The following DNAH6 variants were observed in gnomAD, a reference collection of about 807,000 sequenced individuals.
DNAH6 encodes the protein dynein axonemal heavy chain 6.
DNAH6 carries 340 observed loss-of-function variants against 491.4 expected under a neutral mutation model. The ratio of observed to expected loss-of-function variants is 0.69; its 90% CI spans 0.63 to 0.76. DNAH6 has a LOEUF of 0.76. Among genes scored for constraint, DNAH6 ranks in the 30% least tolerant of loss-of-function variants. The pLI, the probability that DNAH6 is intolerant of heterozygous loss-of-function variation, is 0.00. For missense variants in DNAH6, 4,443 were observed against 4,972.2 expected (o/e 0.89, Z 3.20); for synonymous variants, 1,603 against 1,686.1 (o/e 0.95, Z 1.21).
At chr2:84,620,219 T>C (rs1224470802) in intron 24 of DNAH6, among the ~76,000 whole-genome samples, 1 of 152,188 alleles carries the variant, frequency 6.6e-6, no homozygotes, top group African/African-American at 2.4e-5. Flanking sequence ...GGTTCTACTA[T>C]CAGGCCACTT....
intron 49 of DNAH6, 88 bp downstream of exon 49, chr2:84,701,427 T>C: frequency 2.2e-6 from 3 of 1,362,556 alleles, no homozygotes; most frequent in Admixed American, 2.3e-5. Flanking sequence ...CTGTCTTACC[T>C]GTCAGGGCCC....
chr2:84,721,997 C>T (rs1698209151), intron 59 of DNAH6, among the ~76,000 whole-genome samples: 1 of 152,166 alleles, frequency 6.6e-6, no homozygotes, highest in Non-Finnish European at 1.5e-5. Flanking sequence ...GGCCCATTGG[C>T]CAGAGGGCTC....
intron 40 of DNAH6, among the ~76,000 whole-genome samples, chr2:84,674,586 T>C (rs1693052680): frequency 6.6e-6 from 1 of 152,208 alleles, no homozygotes; most frequent in Admixed American, 6.5e-5. Context: ...GGATGCAAGA[T>C]GAACGCATAT....
At chr2:84,806,635 A>T (rs1438983894) in intron 71 of DNAH6, among the ~76,000 whole-genome samples, 1 of 140,624 alleles carries the variant, frequency 7.1e-6, no homozygotes, top group Non-Finnish European at 1.6e-5. Context: ...AAAAAAAAAA[A>T]AAAAAAAGGT....
chr2:84,782,384 A>G (rs1676778890), intron 65 of DNAH6, among the ~76,000 whole-genome samples: 1 of 152,208 alleles, frequency 6.6e-6, no homozygotes. Flanking sequence ...CCTTTCTCTG[A>G]GGCCTTTATT....
Position 84,715,635 on chromosome 2 carries a change from A to T in DNAH6, c.9611+8A>T, listed in dbSNP as rs771653965. Reference sequence around the variant, plus strand: ...GGAGGATCAGTTGTTAAGGTAAAAAAACAGGGAGTTGAGGGGAGGGAAGGG... The same window carrying T: ...GGAGGATCAGTTGTTAAGGTAAAAATACAGGGAGTTGAGGGGAGGGAAGGG... On this transcript the variant is annotated splice_region_variant and intron_variant, in intron 58 of 76. Transcript: ENST00000389394. The T allele has an allele frequency of 5.2e-6, 8 of 1,551,332 alleles. No individual in the cohort carries two copies. In the Middle Eastern group the frequency reaches 8.3e-4, roughly 162 times the overall value.
chr2:84,713,324 G>A (rs2104885619), intron 57 of DNAH6, 65 bp downstream of exon 57: 3 of 1,488,250 alleles, frequency 2.0e-6, no homozygotes, highest in East Asian at 2.5e-5. Context: ...AATCTCTGAA[G>A]TTTGATGGGC....
At chr2:84,573,865 A>G (rs1035039101) in intron 12 of DNAH6, among the ~76,000 whole-genome samples, 1 of 152,222 alleles carries the variant, frequency 6.6e-6, no homozygotes, top group Non-Finnish European at 1.5e-5. Flanking sequence ...TGCTAAGAGT[A>G]TATAGCCTGC....
chr2:84,613,918 A>G (rs568790191), intron 22 of DNAH6, among the ~76,000 whole-genome samples: 1 of 152,230 alleles, frequency 6.6e-6, no homozygotes, highest in African/African-American at 2.4e-5. Context: ...TTAAAATCTT[A>G]ACAGTATATT....
chr2:84,773,148 T>G (rs1223732496), intron 64 of DNAH6, among the ~76,000 whole-genome samples: 1 of 152,096 alleles, frequency 6.6e-6, no homozygotes, highest in Non-Finnish European at 1.5e-5. Flanking sequence ...TGCTGAAGTT[T>G]GGATACAAAT....
At chr2:84,732,105 T>C (rs1699169279) in intron 61 of DNAH6, among the ~76,000 whole-genome samples, 1 of 152,082 alleles carries the variant, frequency 6.6e-6, no homozygotes, top group Admixed American at 6.6e-5. Flanking sequence ...GTGGGGAGCC[T>C]CCACTAAAAT....
chr2:84,706,242 T>C (rs190121975), intron 52 of DNAH6, among the ~76,000 whole-genome samples: 16 of 152,320 alleles, frequency 1.1e-4, no homozygotes, highest in African/African-American at 3.8e-4. Context: ...AGAATAAATA[T>C]TTTATGCATT....
chr2:84,659,211 A>G, intron 37 of DNAH6, 42 bp downstream of exon 37: 1 of 1,108,364 alleles, frequency 9.0e-7, no homozygotes, highest in Non-Finnish European at 1.2e-6. Context: ...ATAATTCTGA[A>G]TTATTTAAAT....
At position 84,785,652 on chromosome 2, in the gene DNAH6, C is replaced by T. The variant is rs551443030; in HGVS notation, c.10996C>T (p.Arg3666Ter). Reference sequence around the variant, plus strand: ...AAAAGGCTTACGTGCAAATATCAGACGAGCATTTACTGAAATGACACCTTC... The same window carrying T: ...AAAAGGCTTACGTGCAAATATCAGATGAGCATTTACTGAAATGACACCTTC... The part of the protein sequence containing the change: ...PPKGLRANIR[R>*]AFTEMTPSFF... The change falls in exon 67 of 77, where the codon CGA (arginine) becomes TGA (stop). Residue 3666 changes from arginine (R) to a stop codon, truncating the protein, a stop_gained. Coordinates refer to ENST00000389394, the MANE Select transcript of DNAH6 (RefSeq NM_001370.2). LOFTEE classifies it high-confidence loss of function. 23 of 1,548,108 alleles carry T rather than the reference C, an allele frequency of 1.5e-5. No individual in the cohort carries two copies. Among genetic ancestry groups the T allele is most frequent in the Middle Eastern group, 1.7e-4 (1 of 5,970 alleles).
At chr2:84,586,068 G>T (rs1482269444) in intron 15 of DNAH6, among the ~76,000 whole-genome samples, 4 of 152,232 alleles carry the variant, frequency 2.6e-5, no homozygotes, top group Non-Finnish European at 5.9e-5. Flanking sequence ...TCAAAGAAGT[G>T]CCTGCTCCCA....
intron 18 of DNAH6, among the ~76,000 whole-genome samples, chr2:84,601,469 C>G (rs1006441760): frequency 6.6e-6 from 1 of 151,998 alleles, no homozygotes; most frequent in Non-Finnish European, 1.5e-5. Flanking sequence ...TTAATTTTCT[C>G]TCTTATCTCT....
chr2:84,636,766 G>A (rs866787750), intron 30 of DNAH6, among the ~76,000 whole-genome samples: 1 of 152,006 alleles, frequency 6.6e-6, no homozygotes. Context: ...GTGTGCCTGT[G>A]GTCCCAGCTA....
chr2:84,595,124 AG>A (rs1684455008), intron 17 of DNAH6, among the ~76,000 whole-genome samples: 1 of 152,206 alleles, frequency 6.6e-6, no homozygotes, highest in African/African-American at 2.4e-5. Flanking sequence ...TTAGAAAAAA[AG>A]AAAAATGAAG....
chr2:84,680,437 G>A (rs1345954640), intron 41 of DNAH6, among the ~76,000 whole-genome samples: 2 of 151,838 alleles, frequency 1.3e-5, no homozygotes, highest in Non-Finnish European at 2.9e-5. Context: ...GAGACTGATG[G>A]GAGGACTTGT....
Sources: gnomAD v4.1 joint callset for allele counts (sites outside exome capture counted in the v4.1 genomes callset) on GRCh38, gnomAD v4.1.1 for gene constraint, MANE v1.5 for transcripts, NCBI Gene and HGNC (gene_info 2026-07-23, HGNC 2026-07-21) for gene names.